Variants in RIMS2 observed in about 807,000 individuals in gnomAD.
RIMS2 encodes the protein regulating synaptic membrane exocytosis protein 2.
In RIMS2, 59 loss-of-function variants were observed where a neutral mutation model predicts 174.4. That is an observed-to-expected ratio of 0.34 (90% CI 0.27 to 0.42). The LOEUF (loss-of-function observed/expected upper bound fraction) is 0.42. RIMS2 is among the 10% of genes least tolerant of loss of function. The pLI, the probability that RIMS2 is intolerant of heterozygous loss-of-function variation, is 1.00. For missense variants in RIMS2, 1,620 were observed against 1,666.3 expected (o/e 0.97, Z 0.48); for synonymous variants, 606 against 572.5 (o/e 1.06, Z -0.84).
chr8:103,704,743 C>T (rs1032010771), intron 2 of RIMS2, among the ~76,000 whole-genome samples: 3 of 151,884 alleles, frequency 2.0e-5, no homozygotes, highest in African/African-American at 7.3e-5. Context: ...GTGTATTTTT[C>T]AATTTTTTTG....
chr8:103,799,529 C>T (rs745984322), intron 3 of RIMS2, among the ~76,000 whole-genome samples: 5 of 152,070 alleles, frequency 3.3e-5, no homozygotes, highest in Non-Finnish European at 5.9e-5. Context: ...CTTTATTTCA[C>T]TAGTTTTGTT....
intron 7 of RIMS2, 72 bp from the exon 11 acceptor site, chr8:103,916,342 A>G (rs1220732351): frequency 9.1e-7 from 1 of 1,100,862 alleles, no homozygotes. Flanking sequence ...ATTGAAGTTT[A>G]AGATGCTCTT....
chr8:103,519,753 T>TTTA lies in RIMS2; in HGVS notation c.176+18691_176+18692insTTA, dbSNP rs1339376915. ...TACTACTTTTTTTTTTTTTTTTTTT[T>TTTA]AACCTCTGTTTAAATTTACCAGAGC... On this transcript the variant is annotated intron_variant, in intron 1 of 23. Transcript: ENST00000504942. 4.7e-3 allele frequency among the ~76,000 whole-genome samples: 666 copies of TTTA among 142,740 alleles called. 6 individuals are homozygous for TTTA. Among genetic ancestry groups the TTTA allele is most frequent in the African/African-American group, 0.017 (632 of 37,690 alleles). 93.6% of individuals were successfully genotyped at this position (142,740 alleles called of 152,430 possible).
At chr8:103,885,819 A>T in exon 4 of RIMS2, 1 of 1,613,016 alleles carries the variant, frequency 6.2e-7, no homozygotes, top group South Asian at 1.1e-5. Flanking sequence ...ATGGAAAATC[A>T]GCGATCTTAT....
Position 103,929,905 on chromosome 8 carries a change from A to C in RIMS2, c.2245-1358A>C, listed in dbSNP as rs112180941. Among the ~76,000 whole-genome samples, 493 of 151,988 alleles carry C rather than the reference A, an allele frequency of 3.2e-3. 1 individual carries two copies. The highest frequency in any genetic ancestry group is 5.3e-3 in the Non-Finnish European group (360 of 67,870). On this transcript the variant is annotated intron_variant, in intron 11 of 23. Transcript: ENST00000504942. ...TCTTAATCTAAGGCAGTGGTTCTCA[A>C]ATTTTAATGCACTTGAGGATCACCA...
At position 103,886,094 on chromosome 8, in the gene RIMS2, C is replaced by T. The variant is rs1044470203; in HGVS notation, c.1495C>T (p.His499Tyr). ...AGTGAGACCTCCACCACCAAAGCCT[C>T]ATAAATCAAAGAAAGGCGGTAAAAT... The change falls in exon 4 of 24, where the codon CAT becomes TAT. Residue 499 changes from histidine to tyrosine, a missense_variant. By Grantham distance (83) the His-to-Tyr change is moderately conservative (BLOSUM62 2). Transcript: ENST00000504942. 3.7e-6 allele frequency: 6 copies of T among 1,613,034 alleles called. No homozygotes were observed. The Admixed American group carries it at 5.0e-5, about 13-fold the overall frequency.
intron 19 of RIMS2, among the ~76,000 whole-genome samples, chr8:104,097,491 A>G (rs1025304294): frequency 2.6e-5 from 4 of 152,158 alleles, no homozygotes; most frequent in African/African-American, 7.2e-5. Context: ...TTATTAACAC[A>G]TAAGTACTTA....
intron 1 of RIMS2, among the ~76,000 whole-genome samples, chr8:103,669,312 A>C (rs929686712): frequency 3.9e-5 from 6 of 152,194 alleles, no homozygotes; most frequent in African/African-American, 1.4e-4. Context: ...CGTGGGAATT[A>C]TGGAAGCTAC....
intron 1 of RIMS2, among the ~76,000 whole-genome samples, chr8:103,616,865 A>T (rs1249762562): frequency 6.6e-6 from 1 of 152,234 alleles, no homozygotes; most frequent in African/African-American, 2.4e-5. Flanking sequence ...GCTCAAAGAA[A>T]TCAGAGAAGA....
intron 2 of RIMS2, among the ~76,000 whole-genome samples, chr8:103,741,349 GAA>G (rs2097760131): frequency 6.6e-6 from 1 of 152,074 alleles, no homozygotes; most frequent in Non-Finnish European, 1.5e-5. Flanking sequence ...GATGTGAATA[GAA>G]AGAGGTTGGT....
At chr8:104,072,132 A>G (rs2154561750) in intron 19 of RIMS2, among the ~76,000 whole-genome samples, 1 of 152,260 alleles carries the variant, frequency 6.6e-6, no homozygotes. Flanking sequence ...ATGTGGAACT[A>G]TCTTTGCTGG....
At chr8:104,216,355 G>GATCAACATATTATCATA (rs2099129688) in intron 19 of RIMS2, among the ~76,000 whole-genome samples, 1 of 152,160 alleles carries the variant, frequency 6.6e-6, no homozygotes, top group South Asian at 2.1e-4. Context: ...TATTATCATG[G>GATCAACATATTATCATA]TCAACAGTTC....
At chr8:104,113,614 G>A (rs879301535) in intron 19 of RIMS2, among the ~76,000 whole-genome samples, 1 of 151,810 alleles carries the variant, frequency 6.6e-6, no homozygotes, top group Non-Finnish European at 1.5e-5. Flanking sequence ...CTATCATTTT[G>A]GAATTGGCTC....
chr8:104,247,220 A>G (rs2099339038), intron 20 of RIMS2, among the ~76,000 whole-genome samples: 1 of 152,196 alleles, frequency 6.6e-6, no homozygotes, highest in Non-Finnish European at 1.5e-5. Context: ...GGCTACCATA[A>G]TAAAATACCA....
intron 19 of RIMS2, among the ~76,000 whole-genome samples, chr8:104,054,722 A>G (rs931225664): frequency 6.6e-6 from 1 of 152,094 alleles, no homozygotes; most frequent in Non-Finnish European, 1.5e-5. Context: ...CACATTTGCA[A>G]TTTATAATCA....
chr8:103,697,027 A>T lies in RIMS2; in HGVS notation c.177-59A>T, dbSNP rs115570363. ...AAAACTGTGTCTATAAATTGTGATA[A>T]TTTTTCCTTTAGAGATCATCAGGAA... On this transcript the variant is annotated intron_variant, in intron 1 of 23. Coordinates refer to ENST00000504942, the Ensembl canonical transcript of RIMS2. The T allele has an allele frequency of 3.0e-3, 2,948 of 997,790 alleles. 62 individuals carry two copies. In the African/African-American group the frequency reaches 0.041, roughly 14 times the overall value. 61.8% of individuals were successfully genotyped at this position (997,790 alleles called of 1,614,324 possible). A position where few individuals can be genotyped will look rare whatever the true frequency, so the allele number is the denominator to read the frequency against.
intron 3 of RIMS2, among the ~76,000 whole-genome samples, chr8:103,812,343 T>TTTTTTTTTTTTTG (rs2098693600): frequency 1.4e-5 from 2 of 140,168 alleles, no homozygotes; most frequent in African/African-American, 5.4e-5. Context: ...TTTTTTTTTT[T>TTTTTTTTTTTTTG]TTTTTTTTTT....
At chr8:103,682,335 A>C (rs776371324) in intron 1 of RIMS2, among the ~76,000 whole-genome samples, 1 of 152,154 alleles carries the variant, frequency 6.6e-6, no homozygotes, top group Non-Finnish European at 1.5e-5. Flanking sequence ...CGAAGGAGAA[A>C]GAAAATGAAA....
chr8:103,920,667 T>C (rs966144459), intron 9 of RIMS2: 1 of 457,058 alleles, frequency 2.2e-6, no homozygotes, highest in East Asian at 7.0e-5. Flanking sequence ...TGTTCCCAAT[T>C]AAGTTTTTAT....
Sources: allele counts gnomAD v4.1 joint callset (sites outside exome capture counted in the v4.1 genomes callset), GRCh38; gene constraint gnomAD v4.1.1; transcripts MANE v1.5; gene names NCBI Gene and HGNC (gene_info 2026-07-23, HGNC 2026-07-21).